Variants in UBE2E2 observed in about 807,000 individuals in gnomAD.
UBE2E2 encodes the protein ubiquitin-conjugating enzyme E2 E2.
A neutral mutation model predicts 24.7 loss-of-function variants in UBE2E2; 6 were observed. The observed-to-expected ratio is 0.24, with a 90% CI of 0.13 to 0.48. The LOEUF is 0.48. Ranked by LOEUF, UBE2E2 falls within the 20% of genes least tolerant of loss-of-function variation. The pLI, the probability that UBE2E2 is intolerant of heterozygous loss-of-function variation, is 0.99. For missense variants in UBE2E2, 169 were observed against 245.0 expected, an observed-to-expected ratio of 0.69 and a Z score of 2.07; for synonymous variants, 104 against 83.6, an observed-to-expected ratio of 1.24 and a Z score of -1.33.
intron 3 of UBE2E2, among the ~76,000 whole-genome samples, chr3:23,219,787 G>T (rs1696574057): frequency 6.6e-6 from 1 of 152,150 alleles, no homozygotes; most frequent in Non-Finnish European, 1.5e-5. Context: ...CACATGTAAA[G>T]ATTATATGTG....
intron 3 of UBE2E2, among the ~76,000 whole-genome samples, 196 bp from the exon 4 acceptor site, chr3:23,499,412 T>C (rs1699671821): frequency 6.6e-6 from 1 of 152,248 alleles, no homozygotes; most frequent in African/African-American, 2.4e-5. Flanking sequence ...CTTGGTGTTC[T>C]TTTATGAAGT....
At chr3:23,350,630 G>A (rs1695716856) in intron 3 of UBE2E2, among the ~76,000 whole-genome samples, 9 of 152,146 alleles carry the variant, frequency 5.9e-5, no homozygotes, top group Admixed American at 5.9e-4. Context: ...GGAAGAAAGG[G>A]TATCAGTGAT....
At chr3:23,575,264 CAGT>C (rs112545128) in intron 5 of UBE2E2, among the ~76,000 whole-genome samples, 3,377 of 152,222 alleles carry the variant, frequency 0.022, 138 homozygotes, top group African/African-American at 0.076. Flanking sequence ...CAGATACTAA[CAGT>C]AAGTCCAAGT....
chr3:23,484,847 A>G (rs1365139138), intron 3 of UBE2E2, among the ~76,000 whole-genome samples: 1 of 152,134 alleles, frequency 6.6e-6, no homozygotes, highest in Admixed American at 6.5e-5. Context: ...TGTCAGGAGA[A>G]CAGAATGGGA....
At chr3:23,213,092 A>G (rs1696374981) in intron 2 of UBE2E2, among the ~76,000 whole-genome samples, 1 of 152,108 alleles carries the variant, frequency 6.6e-6, no homozygotes, top group Non-Finnish European at 1.5e-5. Context: ...TCTGTAAGGG[A>G]ATATAGAAAG....
At chr3:23,422,311 T>C (rs918171134) in intron 3 of UBE2E2, among the ~76,000 whole-genome samples, 15 of 152,122 alleles carry the variant, frequency 9.9e-5, no homozygotes, top group Non-Finnish European at 2.1e-4. Flanking sequence ...GGTTAAGTTC[T>C]TCCTGAGAGA....
intron 3 of UBE2E2, among the ~76,000 whole-genome samples, chr3:23,436,077 C>T (rs2125404384): frequency 6.6e-6 from 1 of 152,194 alleles, no homozygotes; most frequent in South Asian, 2.1e-4. Flanking sequence ...GGAACTCAGG[C>T]AACAATGCTT....
At chr3:23,220,933 C>T (rs1009802926) in intron 3 of UBE2E2, among the ~76,000 whole-genome samples, 7 of 152,106 alleles carry the variant, frequency 4.6e-5, no homozygotes, top group Non-Finnish European at 7.4e-5. Context: ...GCTAGTGGGC[C>T]AGCAAATCTC....
intron 2 of UBE2E2, among the ~76,000 whole-genome samples, chr3:23,211,827 TAGTA>T (rs879306758): frequency 1.3e-5 from 2 of 152,204 alleles, no homozygotes; most frequent in Non-Finnish European, 2.9e-5. Context: ...ATTTGGCACA[TAGTA>T]AGCTCTCAAA....
rs562782831 is a variant in UBE2E2 at position 23,347,624 on chromosome 3, G to A, written c.227+130312G>A. Reference sequence around the variant, plus strand: ...TGTAAATGATGAGTTGATGGGTGCGGCAAACCAACATGGCACATGTATACC... The same window carrying A: ...TGTAAATGATGAGTTGATGGGTGCGACAAACCAACATGGCACATGTATACC... On this transcript the variant is annotated intron_variant, in intron 3 of 5. Coordinates refer to ENST00000396703, the MANE Select transcript of UBE2E2 (RefSeq NM_152653.4). 2.0e-5 allele frequency among the ~76,000 whole-genome samples: 3 copies of A among 152,232 alleles called. No homozygotes were observed. The East Asian group carries it at 5.8e-4, about 29-fold the overall frequency.
At chr3:23,519,758 CCTCAACCTTGTGGG>C in intron 4 of UBE2E2, among the ~76,000 whole-genome samples, 1 of 152,244 alleles carries the variant, frequency 6.6e-6, no homozygotes, top group East Asian at 1.9e-4. Flanking sequence ...TTCACTGCAG[CCTCAACCTTGTGGG>C]CTCAAGTGAT....
intron 3 of UBE2E2, among the ~76,000 whole-genome samples, chr3:23,414,229 T>C (rs1355051497): frequency 6.6e-6 from 1 of 152,170 alleles, no homozygotes; most frequent in Non-Finnish European, 1.5e-5. Context: ...ACCATATTGG[T>C]CCATTTTTTC....
At chr3:23,586,728 T>G (rs952179665) in intron 5 of UBE2E2, among the ~76,000 whole-genome samples, 1 of 152,190 alleles carries the variant, frequency 6.6e-6, no homozygotes, top group Non-Finnish European at 1.5e-5. Flanking sequence ...CATCGTTGTT[T>G]TTAAAACAAA....
In UBE2E2 at chr3:23,589,975, T is replaced by A. The variant is rs1696724365; in HGVS notation, c.*144T>A. On this transcript the variant is annotated 3_prime_UTR_variant, in exon 6 of 6. Coordinates refer to ENST00000396703, the MANE Select transcript of UBE2E2 (RefSeq NM_152653.4). The surrounding 1 kb of genome is among the most constrained non-coding windows in gnomAD (Gnocchi z 4.1). ...CCATTTTGTGATGGTATGTTGTCCA[T>A]CTTCCCATCCCAGTTCTTCCTGCCC... is the stretch of plus-strand genomic sequence containing the variant. 3.0e-6 allele frequency: 2 copies of A among 675,000 alleles called. No homozygotes were observed. The highest frequency in any genetic ancestry group is 2.7e-5 in the Admixed American group (1 of 37,420). 41.8% of individuals were successfully genotyped at this position (675,000 alleles called of 1,614,324 possible).
At chr3:23,438,457 G>T (rs1686501652) in intron 3 of UBE2E2, among the ~76,000 whole-genome samples, 1 of 152,146 alleles carries the variant, frequency 6.6e-6, no homozygotes, top group African/African-American at 2.4e-5. Flanking sequence ...AGTGATAGAA[G>T]TTCCTTGAAC....
At chr3:23,378,211 C>T (rs1394625263) in intron 3 of UBE2E2, among the ~76,000 whole-genome samples, 1 of 118,928 alleles carries the variant, frequency 8.4e-6, no homozygotes, top group Non-Finnish European at 1.7e-5. Context: ...GCAGAATATA[C>T]TCAAAGCCAA....
chr3:23,515,949 A>C (rs992997403), intron 4 of UBE2E2, among the ~76,000 whole-genome samples: 15 of 152,182 alleles, frequency 9.9e-5, no homozygotes, highest in African/African-American at 3.4e-4. Context: ...AGCCTGGGCA[A>C]CAGAGGGAGA....
chr3:23,283,255 A>G (rs1698528818), intron 3 of UBE2E2, among the ~76,000 whole-genome samples: 2 of 152,034 alleles, frequency 1.3e-5, no homozygotes, highest in African/African-American at 2.4e-5. Context: ...TGGTGACTCT[A>G]CAGATGAAAT....
chr3:23,298,174 G>A (rs1291952781), intron 3 of UBE2E2, among the ~76,000 whole-genome samples: 3 of 152,188 alleles, frequency 2.0e-5, no homozygotes, highest in African/African-American at 4.8e-5. Context: ...TTATCAGCTT[G>A]AGGAGATTTT....
Sources: gnomAD v4.1 joint callset for allele counts (sites outside exome capture counted in the v4.1 genomes callset) on GRCh38, gnomAD v4.1.1 for gene constraint, Gnocchi (gnomAD v3.1) non-coding constraint, MANE v1.5 for transcripts, NCBI Gene and HGNC (gene_info 2026-07-23, HGNC 2026-07-21) for gene names.